TMEM232: variants seen among roughly 807,000 people sequenced by gnomAD.
The protein encoded by TMEM232 is transmembrane protein 232.
TMEM232 carries 80 observed loss-of-function variants against 78.8 expected under a neutral mutation model. The ratio of observed to expected loss-of-function variants is 1.01; its 90% CI spans 0.85 to 1.22. The LOEUF (loss-of-function observed/expected upper bound fraction) is 1.22. Ranked by LOEUF, TMEM232 falls within the 50% of genes most tolerant of loss-of-function variation. The probability of loss-of-function intolerance (pLI) is 0.00; values close to 1 mark genes in which losing one functional copy is unlikely to be tolerated. For missense variants in TMEM232, 881 were observed against 742.2 expected (o/e 1.19, Z -2.17); for synonymous variants, 297 against 254.3 (o/e 1.17, Z -1.60).
intron 10 of TMEM232, among the ~76,000 whole-genome samples, chr5:110,571,343 G>A (rs970356094): frequency 6.6e-6 from 1 of 151,986 alleles, no homozygotes; most frequent in Non-Finnish European, 1.5e-5. Flanking sequence ...AAGTCCCTTT[G>A]CCTGGGGCTG....
downstream of TMEM232, among the ~76,000 whole-genome samples, chr5:110,414,856 G>C (rs1199268757): frequency 6.6e-6 from 1 of 152,168 alleles, no homozygotes; most frequent in Non-Finnish European, 1.5e-5. Context: ...CTCAACTGTA[G>C]AGTGGATAAA....
At chr5:110,718,384 G>A (rs1471912437) in intron 1 of TMEM232, among the ~76,000 whole-genome samples, 2 of 152,124 alleles carry the variant, frequency 1.3e-5, no homozygotes, top group African/African-American at 2.4e-5. Context: ...TTATATTGAT[G>A]AGAAGCATTT....
chr5:110,525,203 C>T (rs1770396025), intron 12 of TMEM232, among the ~76,000 whole-genome samples: 1 of 148,736 alleles, frequency 6.7e-6, no homozygotes, highest in South Asian at 2.1e-4. Flanking sequence ...TATTTTTAAT[C>T]AATATTTTAC....
intron 12 of TMEM232, among the ~76,000 whole-genome samples, chr5:110,492,562 A>G (rs1426976877): frequency 6.6e-6 from 1 of 151,966 alleles, no homozygotes; most frequent in East Asian, 1.9e-4. Flanking sequence ...AAATACTACA[A>G]CTATTCTTAT....
chr5:110,454,607 A>T (rs1240665944), intron 12 of TMEM232, among the ~76,000 whole-genome samples: 1 of 152,178 alleles, frequency 6.6e-6, no homozygotes, highest in Non-Finnish European at 1.5e-5. Context: ...AGGAAATCAC[A>T]TGAAAAATTA....
intron 2 of TMEM232, among the ~76,000 whole-genome samples, chr5:110,655,799 C>T (rs1484452560): frequency 4.0e-5 from 6 of 150,696 alleles, no homozygotes; most frequent in East Asian, 3.9e-4. Context: ...AGTAAACTAT[C>T]GCAAGGACAA....
In TMEM232 at chr5:110,420,457, T is replaced by G. The variant is rs937185201; in HGVS notation, c.*123A>C. The G allele has an allele frequency of 2.4e-5, 15 of 620,258 alleles. No individual in the cohort carries two copies. In the African/African-American group the frequency reaches 2.7e-4, roughly 11 times the overall value. 38.4% of individuals were successfully genotyped at this position (620,258 alleles called of 1,614,324 possible). ...TTGTATCAGGAAAACAAATTCTTTC[T>G]AAACAATACCTCCATTTAATGACAA... On this transcript the variant is annotated 3_prime_UTR_variant, in exon 14 of 14. Transcript: ENST00000455884.
At chr5:110,431,047 C>G (rs1315379046) in intron 12 of TMEM232, among the ~76,000 whole-genome samples, 4 of 151,578 alleles carry the variant, frequency 2.6e-5, no homozygotes, top group Non-Finnish European at 4.4e-5. Flanking sequence ...CAGGAGAGTA[C>G]TTGGCAATCT....
chr5:110,594,386 G>A (rs895741369), intron 10 of TMEM232, among the ~76,000 whole-genome samples: 2 of 152,040 alleles, frequency 1.3e-5, no homozygotes, highest in Non-Finnish European at 2.9e-5. Context: ...TGGCTCTTTG[G>A]GCAGACACTG....
intron 5 of TMEM232, among the ~76,000 whole-genome samples, chr5:110,629,445 C>G (rs1350589438): frequency 6.6e-6 from 1 of 152,070 alleles, no homozygotes; most frequent in Non-Finnish European, 1.5e-5. Flanking sequence ...TTTTTATTGA[C>G]AAATCTACCT....
At chr5:110,438,349 T>C (rs567089852) in intron 12 of TMEM232, among the ~76,000 whole-genome samples, 2 of 151,836 alleles carry the variant, frequency 1.3e-5, no homozygotes, top group South Asian at 4.2e-4. Context: ...AACCTACCTG[T>C]GGCTTTAAGG....
intron 11 of TMEM232, among the ~76,000 whole-genome samples, chr5:110,540,572 A>C (rs1772977446): frequency 6.6e-6 from 1 of 152,210 alleles, no homozygotes; most frequent in Admixed American, 6.5e-5. Context: ...CTAATTTAAA[A>C]GACCAACTTC....
intron 8 of TMEM232, among the ~76,000 whole-genome samples, chr5:110,616,333 A>G (rs1319211210): frequency 1.3e-5 from 2 of 152,034 alleles, no homozygotes; most frequent in Non-Finnish European, 2.9e-5. Context: ...AATCTCTTCA[A>G]TACATGGTAT....
intron 12 of TMEM232, among the ~76,000 whole-genome samples, chr5:110,459,132 C>T (rs776957798): frequency 1.3e-5 from 2 of 152,108 alleles, no homozygotes; most frequent in Non-Finnish European, 2.9e-5. Flanking sequence ...ACATATTTCC[C>T]TGTAGCAAAT....
intron 12 of TMEM232, among the ~76,000 whole-genome samples, chr5:110,426,586 A>G (rs529172500): frequency 1.3e-5 from 2 of 152,102 alleles, no homozygotes; most frequent in African/African-American, 4.8e-5. Flanking sequence ...GTAGGAGTTC[A>G]AAAGAAAACA....
chr5:110,535,304 G>C lies in TMEM232; in HGVS notation c.1456-6469C>G, dbSNP rs148191329. Among the ~76,000 whole-genome samples, 18 of 152,116 alleles carry C rather than the reference G, an allele frequency of 1.2e-4. No individual in the cohort carries two copies. The East Asian group carries it at 3.1e-3, about 26-fold the overall frequency. The stretch of plus-strand genomic sequence containing the variant: ...TCTCCTGGCTCATACTGACTCGAAA[G>C]CTCCCCTACTGAGCACCTTGTGACC... On this transcript the variant is annotated intron_variant, in intron 11 of 13. Coordinates refer to ENST00000455884, the MANE Select transcript of TMEM232 (RefSeq NM_001039763.4).
intron 8 of TMEM232, 107 bp from the exon 9 acceptor site, chr5:110,606,394 A>C: frequency 1.8e-6 from 2 of 1,098,266 alleles, no homozygotes; most frequent in Non-Finnish European, 2.5e-6. Context: ...GCATGTCTGC[A>C]TTACCAGATA....
At chr5:110,472,769 A>G (rs1762820606) in intron 12 of TMEM232, among the ~76,000 whole-genome samples, 1 of 151,952 alleles carries the variant, frequency 6.6e-6, no homozygotes, top group African/African-American at 2.4e-5. Flanking sequence ...AAATAAACCC[A>G]TAGCTCTTAA....
chr5:110,539,476 T>TTC (rs1434830804), intron 11 of TMEM232, among the ~76,000 whole-genome samples: 3 of 152,156 alleles, frequency 2.0e-5, no homozygotes, highest in Non-Finnish European at 2.9e-5. Context: ...TGCCAAAAGG[T>TTC]TCTCAGTTCT....
Sources: gnomAD v4.1 joint callset for allele counts (sites outside exome capture counted in the v4.1 genomes callset) on GRCh38, gnomAD v4.1.1 for gene constraint, MANE v1.5 for transcripts, NCBI Gene and HGNC (gene_info 2026-07-23, HGNC 2026-07-21) for gene names.